Variants in BPI observed in about 807,000 individuals in gnomAD.
BPI encodes the protein bactericidal permeability increasing protein.
BPI carries 48 observed loss-of-function variants against 57.6 expected under a neutral mutation model. That is an observed-to-expected ratio of 0.83 (90% confidence interval 0.66 to 1.06). The LOEUF (loss-of-function observed/expected upper bound fraction) is 1.06. Ranked by LOEUF, BPI falls within the 50% of genes least tolerant of loss-of-function variation. BPI has a pLI of 0.00. For synonymous variants in BPI, 237 were observed against 238.2 expected (o/e 0.99, Z 0.05); for missense variants, 651 against 609.7 (o/e 1.07, Z -0.71).
chr20:38,328,413 A>T (rs2076724681), intron 11 of BPI, among the ~76,000 whole-genome samples: 1 of 152,028 alleles, frequency 6.6e-6, no homozygotes, highest in South Asian at 2.1e-4. Context: ...TTAACTGGGC[A>T]TGGTCAGGTG....
At chr20:38,317,569 C>A in intron 5 of BPI, 1 of 699,480 alleles carries the variant, frequency 1.4e-6, no homozygotes. Context: ...TTCTGCACAG[C>A]CTTTTATGAC....
At position 38,335,734 on chromosome 20, in the gene BPI, T is replaced by C. The variant is rs2076764443; in HGVS notation, c.1413+60T>C. 19 of 1,508,918 alleles carry C rather than the reference T, an allele frequency of 1.3e-5. No homozygotes were observed. The East Asian group carries it at 4.3e-4, about 34-fold the overall frequency. The allele number at this position is 1,508,918 out of a possible 1,614,324, so 93.5% of individuals were successfully genotyped here. A position where few individuals can be genotyped will look rare whatever the true frequency, so the allele number is the denominator to read the frequency against. On this transcript the variant is annotated intron_variant, in intron 14 of 14. Coordinates refer to ENST00000642449, the MANE Select transcript of BPI (RefSeq NM_001725.3). ...AACGATAGTGACCAACAGCAGCCTA[T>C]GGCTGCAATGCTTCCTGCATGCCAA...
intron 11 of BPI, among the ~76,000 whole-genome samples, chr20:38,329,401 A>G (rs2076731156): frequency 6.6e-6 from 1 of 152,130 alleles, no homozygotes. Context: ...CGAGCCCCAG[A>G]GGTTTATGTG....
At chr20:38,325,998 G>A (rs1413938896) in intron 9 of BPI, among the ~76,000 whole-genome samples, 1 of 152,172 alleles carries the variant, frequency 6.6e-6, no homozygotes, top group Admixed American at 6.5e-5. Flanking sequence ...GGAACAGAGA[G>A]TGCAAAGGAT....
At chr20:38,309,442 G>A (rs753601603) in intron 3 of BPI, among the ~76,000 whole-genome samples, 83 of 152,196 alleles carry the variant, frequency 5.5e-4, no homozygotes, top group Non-Finnish European at 7.8e-4. Flanking sequence ...AGCTGATCTG[G>A]GTTGGGCTTA....
At chr20:38,331,389 G>C (rs2122562198) in intron 12 of BPI, among the ~76,000 whole-genome samples, 1 of 152,312 alleles carries the variant, frequency 6.6e-6, no homozygotes, top group African/African-American at 2.4e-5. Flanking sequence ...ATCTGGTAGA[G>C]AAAATCTGCT....
rs553972092 is a variant in BPI at position 38,320,256 on chromosome 20, C to A, written c.738C>A (p.Thr246=). The stretch of plus-strand genomic sequence containing the variant: ...CACCTCCAGCAACCACGGCTGAGAC[C>A]CTGGATGTACAGATGAAGGTGAGGC... ...LVAPPATTAE[T]LDVQMKGEFY... Residue 246 remains threonine (T), a synonymous_variant, in exon 7 of 15, where the codon ACC becomes ACA. Transcript: ENST00000642449. The A allele has an allele frequency of 6.2e-7, 1 of 1,613,946 alleles. No homozygotes were observed. The highest frequency in any genetic ancestry group is 1.3e-5 in the African/African-American group (1 of 75,000).
chr20:38,337,061 T>C, intron 14 of BPI, 85 bp from the exon 15 acceptor site: 1 of 1,420,632 alleles, frequency 7.0e-7, no homozygotes, highest in South Asian at 1.2e-5. Flanking sequence ...GCTCCCAAAA[T>C]GTCCTTCTTA....
intron 13 of BPI, among the ~76,000 whole-genome samples, chr20:38,335,287 C>T (rs1432077113): frequency 1.3e-5 from 2 of 152,154 alleles, no homozygotes; most frequent in Non-Finnish European, 2.9e-5. Flanking sequence ...ACACACCACG[C>T]TCTAGTCACA....
chr20:38,320,297 T>C (rs1295499506), intron 7 of BPI, 23 bp downstream of exon 7: 6 of 1,605,756 alleles, frequency 3.7e-6, no homozygotes, highest in Non-Finnish European at 5.1e-6. Context: ...CTGAGAATCA[T>C]ACACCCTCAC....
At chr20:38,312,505 C>T (rs186786350) in intron 5 of BPI, among the ~76,000 whole-genome samples, 1 of 152,356 alleles carries the variant, frequency 6.6e-6, no homozygotes, top group African/African-American at 2.4e-5. Flanking sequence ...GCTGGTTTTC[C>T]ATTAACAAAT....
chr20:38,308,444 C>G (rs571330993), intron 2 of BPI, among the ~76,000 whole-genome samples: 4 of 152,314 alleles, frequency 2.6e-5, no homozygotes, highest in South Asian at 2.1e-4. Flanking sequence ...TAAAAGTCCT[C>G]TACAGTTTTA....
intron 5 of BPI, among the ~76,000 whole-genome samples, chr20:38,313,838 G>T (rs576115604): frequency 3.6e-4 from 54 of 149,960 alleles, no homozygotes; most frequent in African/African-American, 1.2e-3. Context: ...AATGGTGATG[G>T]TGATGATGGT....
In BPI at chr20:38,327,687, GC is replaced by G; in HGVS notation, c.1229+36del. The G allele has an allele frequency of 2.5e-6, 4 of 1,605,614 alleles. No individual in the cohort carries two copies. The South Asian group carries it at 4.4e-5, about 18-fold the overall frequency. On this transcript the variant is annotated intron_variant, in intron 11 of 14. Coordinates refer to ENST00000642449, the MANE Select transcript of BPI (RefSeq NM_001725.3). Reference sequence around the variant, plus strand: ...GGGCCTGTGAGAGGAGGAGGGGGCTGCCCCTCTGTCCTTGGTGTCTGTGGGA... The same window carrying G: ...GGGCCTGTGAGAGGAGGAGGGGGCTGCCCTCTGTCCTTGGTGTCTGTGGGA...
In BPI at chr20:38,304,338, A is replaced by G; in HGVS notation, c.115A>G (p.Lys39Glu). ...TGGCGTCGTGGTCAGGATCTCCCAG[A>G]AGGGCCTGGACTACGGTAACTGGAT... ...NPGVVVRISQ[K>E]GLDYASQQGT... Residue 39 changes from lysine to glutamate, a missense_variant, in exon 1 of 15, where the codon AAG (lysine) becomes GAG (glutamate). By Grantham distance (56) the Lys-to-Glu change is moderately conservative. Transcript: ENST00000642449. The G allele has an allele frequency of 6.2e-7, 1 of 1,613,736 alleles. No individual in the cohort carries two copies. Among genetic ancestry groups the G allele is most frequent in the East Asian group, 2.2e-5 (1 of 44,870 alleles).
chr20:38,305,579 C>A (rs1156337870), intron 1 of BPI, among the ~76,000 whole-genome samples: 3 of 152,106 alleles, frequency 2.0e-5, no homozygotes, highest in African/African-American at 7.2e-5. Flanking sequence ...TTTTTTTTCC[C>A]TCCACACAGT....
chr20:38,335,890 G>C (rs1025276414), intron 14 of BPI, among the ~76,000 whole-genome samples: 11 of 152,094 alleles, frequency 7.2e-5, no homozygotes, highest in African/African-American at 2.7e-4. Flanking sequence ...CCAGGCTCCC[G>C]GCTTTGAACC....
At chr20:38,318,109 C>A in intron 5 of BPI, 1 of 869,494 alleles carries the variant, frequency 1.2e-6, no homozygotes, top group Non-Finnish European at 1.4e-6. Flanking sequence ...AAAAACAAAA[C>A]AACAACAGCA....
intron 6 of BPI, 112 bp downstream of exon 6, chr20:38,318,588 G>T: frequency 8.8e-7 from 1 of 1,140,494 alleles, no homozygotes; most frequent in South Asian, 1.2e-5. Flanking sequence ...CTGGGCCTGG[G>T]TGGGAATGAG....
Sources: gnomAD v4.1 joint callset for allele counts (sites outside exome capture counted in the v4.1 genomes callset) on GRCh38, gnomAD v4.1.1 for gene constraint, MANE v1.5 for transcripts, NCBI Gene and HGNC (gene_info 2026-07-23, HGNC 2026-07-21) for gene names.